Variants in RARB observed in about 807,000 individuals in gnomAD.
RARB encodes the protein retinoic acid receptor beta.
In RARB, 17 loss-of-function variants were observed where a neutral mutation model predicts 51.9. The observed-to-expected ratio is 0.33, with a 90% CI of 0.22 to 0.49. The LOEUF (loss-of-function observed/expected upper bound fraction) is 0.49. Ranked by LOEUF, RARB falls within the 20% of genes least tolerant of loss-of-function variation. The pLI, the probability that RARB is intolerant of heterozygous loss-of-function variation, is 0.99. For synonymous variants in RARB, 215 were observed against 195.4 expected, an observed-to-expected ratio of 1.10 and a Z score of -0.84; for missense variants, 369 against 550.8, an observed-to-expected ratio of 0.67 and a Z score of 3.30.
At chr3:25,544,651 C>A (rs911795460) in intron 3 of RARB, among the ~76,000 whole-genome samples, 24 of 152,288 alleles carry the variant, frequency 1.6e-4, no homozygotes, top group African/African-American at 5.8e-4. Context: ...ACTTGTCTGG[C>A]TCATTTGACA....
intron 5 of RARB, among the ~76,000 whole-genome samples, chr3:25,410,783 C>T (rs947434920): frequency 2.0e-5 from 3 of 152,298 alleles, no homozygotes; most frequent in East Asian, 1.9e-4. Context: ...AGAGTATTTA[C>T]GCCACAGAAA....
chr3:25,397,698 T>C (rs1310020540), intron 5 of RARB, among the ~76,000 whole-genome samples: 8 of 152,340 alleles, frequency 5.3e-5, no homozygotes, highest in East Asian at 3.9e-4. Flanking sequence ...TGTTCACTTA[T>C]CAAGTTCCTC....
intron 2 of RARB, among the ~76,000 whole-genome samples, chr3:25,030,733 T>C (rs1697853856): frequency 6.6e-6 from 1 of 152,184 alleles, no homozygotes; most frequent in Non-Finnish European, 1.5e-5. Context: ...CTGCTGAAGA[T>C]CTGGCTTTTA....
intron 3 of RARB, among the ~76,000 whole-genome samples, chr3:25,064,033 A>G (rs1332785796): frequency 6.6e-6 from 1 of 151,908 alleles, no homozygotes; most frequent in Non-Finnish European, 1.5e-5. Context: ...AGAAGGGATT[A>G]CAAAAGTTAA....
intron 2 of RARB, among the ~76,000 whole-genome samples, chr3:25,042,677 A>G (rs567086665): frequency 4.6e-5 from 7 of 152,336 alleles, no homozygotes; most frequent in African/African-American, 9.6e-5. Flanking sequence ...TAACACACTT[A>G]TAACGATGTA....
chr3:25,391,812 G>A (rs952665953), intron 5 of RARB, among the ~76,000 whole-genome samples: 1 of 151,980 alleles, frequency 6.6e-6, no homozygotes, highest in African/African-American at 2.4e-5. Flanking sequence ...ATGGATAGAT[G>A]ATGAAGATTT....
chr3:25,505,385 A>G (rs959055011), intron 3 of RARB, among the ~76,000 whole-genome samples: 2 of 152,236 alleles, frequency 1.3e-5, no homozygotes, highest in African/African-American at 4.8e-5. Flanking sequence ...TAATAAAACA[A>G]TAACCATGCT....
chr3:25,196,201 C>T (rs774905907), intron 5 of RARB, among the ~76,000 whole-genome samples: 2 of 151,980 alleles, frequency 1.3e-5, no homozygotes, highest in South Asian at 2.1e-4. Flanking sequence ...GGTATTACTC[C>T]TAATACTACC....
chr3:25,551,231 G>A (rs1699840842), intron 3 of RARB, among the ~76,000 whole-genome samples: 1 of 152,194 alleles, frequency 6.6e-6, no homozygotes, highest in Admixed American at 6.5e-5. Context: ...AAGAGGGAAT[G>A]AGTAAGGAGT....
chr3:25,338,963 T>A (rs1705143198), intron 5 of RARB, among the ~76,000 whole-genome samples: 1 of 152,136 alleles, frequency 6.6e-6, no homozygotes, highest in African/African-American at 2.4e-5. Context: ...TTCTGAGTAG[T>A]AGTGCTCACT....
chr3:25,594,363 G>A (rs1001593670), intron 6 of RARB, among the ~76,000 whole-genome samples, 157 bp from the exon 7 acceptor site: 11 of 151,910 alleles, frequency 7.2e-5, no homozygotes, highest in Admixed American at 6.6e-4. Context: ...TGTTTTTCAA[G>A]TATCACTGCT....
chr3:25,360,862 G>A (rs1029779222), intron 5 of RARB, among the ~76,000 whole-genome samples: 5 of 152,092 alleles, frequency 3.3e-5, no homozygotes, highest in Non-Finnish European at 5.9e-5. Flanking sequence ...TAGTCTGTTG[G>A]GCTTCCCTTT....
intron 5 of RARB, chr3:25,352,369 A>G (rs11712065): frequency 0.19 from 28,920 of 152,072 alleles, 3,443 homozygotes; most frequent in Admixed American, 0.32. Flanking sequence ...GATGGGGCAC[A>G]TTCATGGTGG....
chr3:25,325,162 T>G (rs1704677654), intron 5 of RARB, among the ~76,000 whole-genome samples: 1 of 152,150 alleles, frequency 6.6e-6, no homozygotes, highest in South Asian at 2.1e-4. Context: ...GAACTGAGGA[T>G]CCCTTCCCCT....
chr3:24,966,944 T>A (rs1366322566), intron 2 of RARB, among the ~76,000 whole-genome samples: 4 of 152,170 alleles, frequency 2.6e-5, no homozygotes, highest in Non-Finnish European at 4.4e-5. Flanking sequence ...TTTCCATACT[T>A]GGCTCGTCCT....
At chr3:25,342,903 A>G (rs971610883) in intron 5 of RARB, among the ~76,000 whole-genome samples, 8 of 152,146 alleles carry the variant, frequency 5.3e-5, no homozygotes, top group Non-Finnish European at 1.2e-4. Context: ...GATGGAGCCC[A>G]GTGCTGCTTT....
intron 3 of RARB, among the ~76,000 whole-genome samples, chr3:25,566,102 C>T (rs1335851774): frequency 1.3e-5 from 2 of 152,184 alleles, no homozygotes; most frequent in African/African-American, 4.8e-5. Context: ...CATCCCTAGG[C>T]CCCCGTGGCT....
At chr3:24,977,753 C>T (rs957585291) in intron 2 of RARB, among the ~76,000 whole-genome samples, 1 of 152,150 alleles carries the variant, frequency 6.6e-6, no homozygotes, top group African/African-American at 2.4e-5. Context: ...ATTTCTTTCT[C>T]CTGCCTGATT....
chr3:24,893,498 A>C lies in RARB; in HGVS notation c.-380+34746A>C, dbSNP rs558150034. On this transcript the variant is annotated intron_variant, in intron 2 of 11. Transcript: ENST00000383772. ...GCAAACAGCTCACGCTGATGACATA[A>C]AAATGCCTGTATATGTAATACTGAT... Among the ~76,000 whole-genome samples the C allele has an allele frequency of 3.9e-5, 6 of 152,308 alleles. No individual in the cohort carries two copies. The South Asian group carries it at 1.0e-3, about 26-fold the overall frequency.
Sources: gnomAD v4.1 joint callset for allele counts (sites outside exome capture counted in the v4.1 genomes callset) on GRCh38, gnomAD v4.1.1 for gene constraint, MANE v1.5 for transcripts, NCBI Gene and HGNC (gene_info 2026-07-23, HGNC 2026-07-21) for gene names.